The following JAZF1 variants were observed in gnomAD, a reference collection of about 807,000 sequenced individuals.
JAZF1 encodes the protein juxtaposed with another zinc finger protein 1.
A neutral mutation model predicts 26.4 loss-of-function variants in JAZF1; 8 were observed. That is an observed-to-expected ratio of 0.30 (90% CI 0.18 to 0.55). JAZF1 has a LOEUF of 0.55. Among genes scored for constraint, JAZF1 ranks in the 20% least tolerant of loss-of-function variants. The pLI, the probability that JAZF1 is intolerant of heterozygous loss-of-function variation, is 0.94. For synonymous variants in JAZF1, 126 were observed against 122.3 expected (o/e 1.03, Z -0.20); for missense variants, 199 against 322.0 (o/e 0.62, Z 2.92).
At chr7:27,984,105 A>T (rs1351766402) in intron 2 of JAZF1, among the ~76,000 whole-genome samples, 2 of 152,234 alleles carry the variant, frequency 1.3e-5, no homozygotes, top group Non-Finnish European at 2.9e-5. Flanking sequence ...TAACAGTATT[A>T]ACCTTAAATG....
At chr7:28,118,195 G>C (rs549522699) in intron 1 of JAZF1, 5 of 152,186 alleles carry the variant, frequency 3.3e-5, no homozygotes, top group African/African-American at 1.2e-4. Context: ...TCCTATTTTT[G>C]CATATGTGCT....
At chr7:28,150,501 C>T (rs1467084005) in intron 1 of JAZF1, among the ~76,000 whole-genome samples, 1 of 152,244 alleles carries the variant, frequency 6.6e-6, no homozygotes, top group East Asian at 1.9e-4. Context: ...GCCACAAATG[C>T]CGCCGTATCT....
intron 1 of JAZF1, among the ~76,000 whole-genome samples, chr7:28,104,923 T>C (rs1306418970): frequency 6.6e-6 from 1 of 152,216 alleles, no homozygotes; most frequent in Non-Finnish European, 1.5e-5. Context: ...GGTAGAAGAC[T>C]CTGCCCTTGA....
chr7:27,898,304 T>TATATACATACAC, intron 2 of JAZF1, among the ~76,000 whole-genome samples: 1 of 128,930 alleles, frequency 7.8e-6, no homozygotes, highest in East Asian at 2.3e-4. Context: ...TATATATATA[T>TATATACATACAC]ACATCGGTTT....
rs768555213 is a variant in JAZF1 at position 27,832,821 on chromosome 7, A to C, written c.711T>G (p.Ile237Met). The change falls in exon 5 of 5, where the codon ATT (isoleucine) becomes ATG (methionine). Residue 237 changes from isoleucine (I) to methionine (M), a missense_variant. Ile to Met is a conservative substitution (Grantham distance 10). Around this residue, in one of 2 missense-constraint regions of JAZF1, gnomAD observed 62 missense variants for 137.2 expected, o/e 0.45. Transcript: ENST00000283928. Reference protein sequence around the residue: ...INFHPPVSAEIIRKMQQ With the variant: ...INFHPPVSAEMIRKMQQ Reference sequence around the variant, plus strand: ...CATGTTATTGCTGCATCTTCCTGATAATCTCAGCCGACACCGGGGGATGGA... The same window carrying C: ...CATGTTATTGCTGCATCTTCCTGATCATCTCAGCCGACACCGGGGGATGGA... 6.3e-7 allele frequency: 1 copy of C among 1,599,742 alleles called. No individual in the cohort carries two copies.
rs573461103 is a variant in JAZF1, at chr7:28,154,807, C to G, written c.115+25656G>C. Among the ~76,000 whole-genome samples, 4 of 150,904 alleles carry G rather than the reference C, an allele frequency of 2.7e-5. No individual in the cohort carries two copies. The East Asian group carries it at 7.8e-4, about 29-fold the overall frequency. ...GATTATAAATATATTCTATTTCCTA[C>G]TAAGATGATGCCTACAATATTGAAA... On this transcript the variant is annotated intron_variant, in intron 1 of 4. Transcript: ENST00000283928.
rs572975371 is a variant in JAZF1 at position 28,177,715 on chromosome 7, G to C, written c.115+2748C>G. On this transcript the variant is annotated intron_variant, in intron 1 of 4. Coordinates refer to ENST00000283928, the MANE Select transcript of JAZF1 (RefSeq NM_175061.4). ...CCACTCACCAACAGACATGAAATCA[G>C]TAAGTCAATCATTAACGGTCTCCAA... Among the ~76,000 whole-genome samples, 6 of 152,278 alleles carry C rather than the reference G, an allele frequency of 3.9e-5. No individual in the cohort carries two copies. In the East Asian group the frequency reaches 1.2e-3, roughly 29 times the overall value.
chr7:27,924,816 C>T (rs1784584889), intron 2 of JAZF1, among the ~76,000 whole-genome samples: 1 of 152,158 alleles, frequency 6.6e-6, no homozygotes, highest in African/African-American at 2.4e-5. Flanking sequence ...CATAAAGCTG[C>T]TTTAATTTGT....
At chr7:28,122,497 T>G (rs1389876783) in intron 1 of JAZF1, among the ~76,000 whole-genome samples, 1 of 151,974 alleles carries the variant, frequency 6.6e-6, no homozygotes, top group East Asian at 1.9e-4. Flanking sequence ...TGAGCTGAAA[T>G]TGGTTCAAGC....
rs190664791 is a variant in JAZF1, at chr7:27,899,455, G to A, written c.189-4039C>T. On this transcript the variant is annotated intron_variant, in intron 2 of 4. Transcript: ENST00000283928. ...CACGGCTGATGTGGATATTTTTTTG[G>A]AGACAGGGTCTCGCTGTCACCCAGG... Among the ~76,000 whole-genome samples, 18 of 152,242 alleles carry A rather than the reference G, an allele frequency of 1.2e-4. No homozygotes were observed. The East Asian group carries it at 3.5e-3, about 29-fold the overall frequency.
At chr7:28,078,600 C>T (rs982161090) in intron 1 of JAZF1, among the ~76,000 whole-genome samples, 5 of 152,274 alleles carry the variant, frequency 3.3e-5, no homozygotes, top group Middle Eastern at 3.4e-3. Flanking sequence ...AGAGAGAGGG[C>T]CACTTGACAT....
chr7:28,063,372 T>C (rs1783829758), intron 1 of JAZF1, among the ~76,000 whole-genome samples: 1 of 152,178 alleles, frequency 6.6e-6, no homozygotes, highest in South Asian at 2.1e-4. Context: ...GACTAGGTAC[T>C]GTGATATAAA....
chr7:28,075,119 T>G (rs2127912471), intron 1 of JAZF1, among the ~76,000 whole-genome samples: 1 of 152,288 alleles, frequency 6.6e-6, no homozygotes, highest in South Asian at 2.1e-4. Context: ...CTACACTCAC[T>G]GCAAATTTAT....
intron 1 of JAZF1, among the ~76,000 whole-genome samples, chr7:28,157,010 C>T (rs779074633): frequency 6.6e-5 from 10 of 152,246 alleles, no homozygotes; most frequent in Non-Finnish European, 1.0e-4. Context: ...AGATGACCTT[C>T]GATATCCTTC....
intron 1 of JAZF1, among the ~76,000 whole-genome samples, chr7:28,074,907 A>T (rs1329808332): frequency 6.6e-6 from 1 of 152,168 alleles, no homozygotes; most frequent in East Asian, 1.9e-4. Flanking sequence ...AAGCATTTAT[A>T]AAAAATGTCA....
chr7:27,858,286 C>T (rs1469157671), intron 3 of JAZF1, among the ~76,000 whole-genome samples: 3 of 152,104 alleles, frequency 2.0e-5, no homozygotes, highest in African/African-American at 4.8e-5. Context: ...GAATCAATAT[C>T]GTGAAAATGG....
At chr7:27,939,142 C>G (rs1298318494) in intron 2 of JAZF1, among the ~76,000 whole-genome samples, 1 of 152,176 alleles carries the variant, frequency 6.6e-6, no homozygotes, top group Non-Finnish European at 1.5e-5. Flanking sequence ...GAGCACAGAG[C>G]AAACCTTCCT....
intron 2 of JAZF1, among the ~76,000 whole-genome samples, chr7:27,917,262 T>G (rs1037786299): frequency 6.6e-6 from 1 of 152,340 alleles, no homozygotes; most frequent in East Asian, 1.9e-4. Flanking sequence ...TGAGTTTGCT[T>G]TCCATGGAGG....
chr7:27,886,625 T>A (rs190788918), intron 3 of JAZF1, among the ~76,000 whole-genome samples: 1 of 152,262 alleles, frequency 6.6e-6, no homozygotes, highest in Non-Finnish European at 1.5e-5. Context: ...ATTAATCATC[T>A]GTGCTAATGT....
Sources: allele counts gnomAD v4.1 joint callset (sites outside exome capture counted in the v4.1 genomes callset), GRCh38; gene constraint gnomAD v4.1.1; regional missense constraint gnomAD v4.1.1; transcripts MANE v1.5; gene names NCBI Gene and HGNC (gene_info 2026-07-23, HGNC 2026-07-21).